Variants in SPOCK1 observed in about 807,000 individuals in gnomAD.
SPOCK1 encodes the protein testican-1.
Under a neutral mutation model 55.3 loss-of-function variants are expected in SPOCK1, and 23 were observed. The ratio of observed to expected loss-of-function variants is 0.42; its 90% CI spans 0.30 to 0.59. The LOEUF is 0.59. Among genes scored for constraint, SPOCK1 ranks in the 20% least tolerant of loss-of-function variants. SPOCK1 has a pLI of 0.22. For synonymous variants in SPOCK1, 226 were observed against 221.0 expected (o/e 1.02, Z -0.20); for missense variants, 499 against 552.5 (o/e 0.90, Z 0.97).
chr5:137,037,865 T>C (rs1561587244), intron 6 of SPOCK1, among the ~76,000 whole-genome samples: 1 of 152,174 alleles, frequency 6.6e-6, no homozygotes, highest in Non-Finnish European at 1.5e-5. Context: ...TTCACGTGGG[T>C]GGAATGCAGC....
At chr5:137,317,596 C>G (rs2127145285) in intron 2 of SPOCK1, among the ~76,000 whole-genome samples, 2 of 152,322 alleles carry the variant, frequency 1.3e-5, no homozygotes, top group African/African-American at 4.8e-5. Context: ...GCCTCTTGGA[C>G]ACACGTTTCA....
intron 4 of SPOCK1, among the ~76,000 whole-genome samples, chr5:137,117,905 G>C (rs1359469938): frequency 6.6e-6 from 1 of 152,070 alleles, no homozygotes; most frequent in African/African-American, 2.4e-5. Context: ...TAATCTTCAG[G>C]ATTCAGGAAT....
Position 137,254,127 on chromosome 5 carries a change from A to G in SPOCK1, c.232+12883T>C, listed in dbSNP as rs1289585498. On this transcript the variant is annotated intron_variant, in intron 3 of 10. Transcript: ENST00000394945. ...ATTGACCTCGCTAAAAGCAAAAATC[A>G]TAATTATTAGCAGATGCCTGACAAC... is the stretch of plus-strand genomic sequence containing the variant. 2.0e-5 allele frequency among the ~76,000 whole-genome samples: 3 copies of G among 152,364 alleles called. No homozygotes were observed. In the East Asian group the frequency reaches 5.8e-4, roughly 29 times the overall value.
chr5:137,144,209 A>G (rs559449047), intron 3 of SPOCK1, among the ~76,000 whole-genome samples: 4 of 152,016 alleles, frequency 2.6e-5, no homozygotes, highest in South Asian at 2.1e-4. Flanking sequence ...CCATCCCCCA[A>G]CTGAGTCAAA....
intron 6 of SPOCK1, among the ~76,000 whole-genome samples, chr5:137,034,457 G>C (rs1751842826): frequency 1.3e-5 from 2 of 152,186 alleles, no homozygotes; most frequent in African/African-American, 4.8e-5. Flanking sequence ...GCTGTTGGTG[G>C]TGAGAACCCC....
At chr5:137,180,046 A>T (rs1754939847) in intron 3 of SPOCK1, among the ~76,000 whole-genome samples, 1 of 152,144 alleles carries the variant, frequency 6.6e-6, no homozygotes. Flanking sequence ...AAAGACTCAG[A>T]AAGGTTAAGC....
intron 6 of SPOCK1, among the ~76,000 whole-genome samples, chr5:137,012,951 A>G (rs1368662652): frequency 2.6e-5 from 4 of 152,250 alleles, no homozygotes; most frequent in African/African-American, 9.6e-5. Context: ...GAAAATGTTT[A>G]TGATACATTA....
At chr5:137,072,897 G>A (rs898947521) in intron 5 of SPOCK1, among the ~76,000 whole-genome samples, 1 of 152,228 alleles carries the variant, frequency 6.6e-6, no homozygotes, top group East Asian at 1.9e-4. Flanking sequence ...TGTCACAGTA[G>A]GTGGAGGGGA....
At chr5:137,173,477 G>T (rs193262314) in intron 3 of SPOCK1, among the ~76,000 whole-genome samples, 1 of 152,234 alleles carries the variant, frequency 6.6e-6, no homozygotes, top group East Asian at 1.9e-4. Flanking sequence ...GATTGAAGCT[G>T]TGATCCAATT....
At chr5:137,025,476 C>A (rs1561583659) in intron 6 of SPOCK1, among the ~76,000 whole-genome samples, 1 of 152,172 alleles carries the variant, frequency 6.6e-6, no homozygotes, top group African/African-American at 2.4e-5. Flanking sequence ...ATTTAATAGA[C>A]AGATATTTCA....
At chr5:137,185,021 C>T (rs963342695) in intron 3 of SPOCK1, among the ~76,000 whole-genome samples, 11 of 152,200 alleles carry the variant, frequency 7.2e-5, no homozygotes, top group African/African-American at 2.7e-4. Flanking sequence ...ACTATCTTGT[C>T]TGTCTTGTTG....
At chr5:137,457,078 G>A (rs1753382831) in intron 2 of SPOCK1, among the ~76,000 whole-genome samples, 1 of 152,150 alleles carries the variant, frequency 6.6e-6, no homozygotes, top group Admixed American at 6.6e-5. Context: ...AGAATAAATT[G>A]AAATTTGAAA....
At chr5:137,064,075 A>C (rs558724198) in intron 6 of SPOCK1, among the ~76,000 whole-genome samples, 1 of 152,300 alleles carries the variant, frequency 6.6e-6, no homozygotes, top group East Asian at 1.9e-4. Context: ...TTAGTGGACA[A>C]GGTGAGTACA....
intron 4 of SPOCK1, among the ~76,000 whole-genome samples, chr5:137,115,447 T>A (rs565771658): frequency 6.6e-6 from 1 of 152,282 alleles, no homozygotes; most frequent in South Asian, 2.1e-4. Context: ...ATCCCCTGTT[T>A]TGGCATATGT....
chr5:137,329,489 A>C (rs1020857966), intron 2 of SPOCK1, among the ~76,000 whole-genome samples: 1 of 152,132 alleles, frequency 6.6e-6, no homozygotes, highest in Non-Finnish European at 1.5e-5. Context: ...ATCCAACTGA[A>C]GCCTTCATTA....
chr5:137,244,109 A>T (rs1436512285), intron 3 of SPOCK1, among the ~76,000 whole-genome samples: 1 of 152,228 alleles, frequency 6.6e-6, no homozygotes, highest in Non-Finnish European at 1.5e-5. Context: ...AGTATAAAAA[A>T]TGTCAGAGAT....
intron 6 of SPOCK1, among the ~76,000 whole-genome samples, chr5:137,001,222 G>T (rs1751142819): frequency 6.6e-6 from 1 of 152,164 alleles, no homozygotes; most frequent in Non-Finnish European, 1.5e-5. Flanking sequence ...CTCCAGGCTT[G>T]CCATGTGGTA....
At chr5:137,217,229 C>G (rs1006042963) in intron 3 of SPOCK1, among the ~76,000 whole-genome samples, 2 of 152,228 alleles carry the variant, frequency 1.3e-5, no homozygotes, top group African/African-American at 4.8e-5. Flanking sequence ...CAGCACTTTG[C>G]TTCTATCTAA....
intron 6 of SPOCK1, among the ~76,000 whole-genome samples, chr5:137,036,734 GC>G (rs1234815598): frequency 6.6e-6 from 1 of 152,222 alleles, no homozygotes; most frequent in Non-Finnish European, 1.5e-5. Context: ...CACCTCTGAG[GC>G]TTTTCCTGCT....
Sources: allele counts gnomAD v4.1 joint callset (sites outside exome capture counted in the v4.1 genomes callset), GRCh38; gene constraint gnomAD v4.1.1; transcripts MANE v1.5; gene names NCBI Gene and HGNC (gene_info 2026-07-23, HGNC 2026-07-21).